PLXDC2: variants seen among roughly 807,000 people sequenced by gnomAD.
PLXDC2 encodes the protein plexin domain containing 2.
A neutral mutation model predicts 68.9 loss-of-function variants in PLXDC2; 40 were observed. That is an observed-to-expected ratio of 0.58 (90% CI 0.45 to 0.76). The LOEUF is 0.76. Among genes scored for constraint, PLXDC2 ranks in the 30% least tolerant of loss-of-function variants. PLXDC2 has a pLI of 0.00. For synonymous variants in PLXDC2, 243 were observed against 234.2 expected, an observed-to-expected ratio of 1.04 and a Z score of -0.34; for missense variants, 644 against 661.9, an observed-to-expected ratio of 0.97 and a Z score of 0.30.
At chr10:20,080,556 G>A (rs1013514561) in intron 4 of PLXDC2, among the ~76,000 whole-genome samples, 3 of 152,170 alleles carry the variant, frequency 2.0e-5, no homozygotes, top group Non-Finnish European at 4.4e-5. Context: ...CAGCATTGGA[G>A]AAAGATGAAG....
chr10:20,155,860 A>ATTATT (rs1002091529), intron 6 of PLXDC2, among the ~76,000 whole-genome samples: 12 of 152,132 alleles, frequency 7.9e-5, no homozygotes, highest in African/African-American at 2.6e-4. Context: ...CCCAGAGGAA[A>ATTATT]TTATTTTATT....
At chr10:19,841,940 GAAAC>G (rs1836917865) in intron 1 of PLXDC2, among the ~76,000 whole-genome samples, 1 of 152,018 alleles carries the variant, frequency 6.6e-6, no homozygotes, top group South Asian at 2.1e-4. Context: ...GAAATGAAAA[GAAAC>G]AAACACCCCA....
intron 1 of PLXDC2, among the ~76,000 whole-genome samples, chr10:19,985,180 T>C (rs138151284): frequency 5.3e-5 from 8 of 152,364 alleles, no homozygotes; most frequent in African/African-American, 1.9e-4. Flanking sequence ...TCTGGTAAGA[T>C]ATGGACCTCA....
chr10:20,002,758 C>T (rs1834964130), intron 2 of PLXDC2, among the ~76,000 whole-genome samples: 2 of 152,096 alleles, frequency 1.3e-5, no homozygotes. Context: ...AGGAGTTCAC[C>T]TAACTGATGA....
At chr10:19,947,966 A>G (rs1041970111) in intron 1 of PLXDC2, among the ~76,000 whole-genome samples, 2 of 152,124 alleles carry the variant, frequency 1.3e-5, no homozygotes, top group Admixed American at 6.5e-5. Context: ...TAAGGGTCCA[A>G]TAAGATATTT....
At chr10:19,939,000 G>A (rs1213545140) in intron 1 of PLXDC2, among the ~76,000 whole-genome samples, 1 of 152,114 alleles carries the variant, frequency 6.6e-6, no homozygotes, top group Non-Finnish European at 1.5e-5. Context: ...AACTGAGATA[G>A]AATTTTCTGA....
At chr10:20,016,297 G>T (rs1454827162) in intron 2 of PLXDC2, among the ~76,000 whole-genome samples, 1 of 152,040 alleles carries the variant, frequency 6.6e-6, no homozygotes, top group African/African-American at 2.4e-5. Flanking sequence ...AAAGGATAGA[G>T]AGACTACTTC....
At chr10:20,211,932 T>C (rs1414436624) in intron 10 of PLXDC2, among the ~76,000 whole-genome samples, 1 of 152,154 alleles carries the variant, frequency 6.6e-6, no homozygotes, top group Non-Finnish European at 1.5e-5. Flanking sequence ...TTTCATTACA[T>C]TGTAGCAACT....
At chr10:20,044,225 CT>C (rs1835747278) in intron 2 of PLXDC2, among the ~76,000 whole-genome samples, 6 of 47,318 alleles carry the variant, frequency 1.3e-4, no homozygotes, top group African/African-American at 5.9e-4. Flanking sequence ...TTCTTTCTTT[CT>C]TTCTTTCTTT....
At chr10:20,082,783 A>G (rs1200843036) in intron 4 of PLXDC2, among the ~76,000 whole-genome samples, 1 of 152,196 alleles carries the variant, frequency 6.6e-6, no homozygotes, top group Admixed American at 6.5e-5. Flanking sequence ...AACGCCCATC[A>G]CTGAGGATGT....
At chr10:19,920,262 G>T (rs952759285) in intron 1 of PLXDC2, among the ~76,000 whole-genome samples, 1 of 152,290 alleles carries the variant, frequency 6.6e-6, no homozygotes, top group Admixed American at 6.5e-5. Context: ...GCAGAGGAGG[G>T]TGTGGTCCCT....
chr10:19,965,259 T>C (rs530788466), intron 1 of PLXDC2, among the ~76,000 whole-genome samples: 1 of 152,172 alleles, frequency 6.6e-6, no homozygotes, highest in Non-Finnish European at 1.5e-5. Context: ...CTGTGATTAA[T>C]GTGATTGACA....
In PLXDC2 at chr10:19,966,430, G is replaced by A. The variant is rs142868101; in HGVS notation, c.113-35345G>A. The stretch of plus-strand genomic sequence containing the variant: ...GTGCACATATATAAAAAATATATAT[G>A]TGCACATATATATAAAACATGTGTG... On this transcript the variant is annotated intron_variant, in intron 1 of 13. Transcript: ENST00000377252. 1.5e-4 allele frequency among the ~76,000 whole-genome samples: 22 copies of A among 150,248 alleles called. No individual in the cohort carries two copies. The East Asian group carries it at 3.7e-3, about 25-fold the overall frequency.
intron 3 of PLXDC2, among the ~76,000 whole-genome samples, chr10:20,057,424 T>C (rs1483986540): frequency 6.6e-6 from 1 of 152,176 alleles, no homozygotes; most frequent in Non-Finnish European, 1.5e-5. Context: ...TGTTCCTTTC[T>C]ACCTCATTAT....
chr10:20,119,286 C>G lies in PLXDC2; in HGVS notation c.542-24009C>G, dbSNP rs549967767. On this transcript the variant is annotated intron_variant, in intron 4 of 13. Coordinates refer to ENST00000377252, the MANE Select transcript of PLXDC2 (RefSeq NM_032812.9). ...TTTATTTCACCTGGGTGCAGGCGGG[C>G]TGAGTCCGAAAAGAGAGTCAGCGAA... is the stretch of plus-strand genomic sequence containing the variant. Among the ~76,000 whole-genome samples the G allele has an allele frequency of 8.4e-3, 1,273 of 151,752 alleles. 21 individuals are homozygous for G. The highest frequency in any genetic ancestry group is 0.029 in the African/African-American group (1,218 of 41,354).
intron 12 of PLXDC2, among the ~76,000 whole-genome samples, chr10:20,228,492 G>A (rs1293473776): frequency 6.6e-6 from 1 of 151,938 alleles, no homozygotes; most frequent in Non-Finnish European, 1.5e-5. Context: ...AGACTGGGAG[G>A]TCAAGGCTGC....
intron 12 of PLXDC2, among the ~76,000 whole-genome samples, chr10:20,221,670 A>AC (rs1835214103): frequency 1.3e-5 from 2 of 152,216 alleles, no homozygotes; most frequent in East Asian, 3.8e-4. Context: ...AGGAAGGATT[A>AC]CCAATTTAAA....
chr10:20,197,817 G>T (rs1175136587), intron 9 of PLXDC2, among the ~76,000 whole-genome samples: 2 of 152,024 alleles, frequency 1.3e-5, no homozygotes, highest in Non-Finnish European at 2.9e-5. Context: ...TTCTAAAGAG[G>T]TTGAAGATCT....
intron 13 of PLXDC2, among the ~76,000 whole-genome samples, chr10:20,270,747 G>A (rs1382253609): frequency 2.0e-5 from 3 of 151,942 alleles, no homozygotes; most frequent in Non-Finnish European, 4.4e-5. Context: ...GTTTCACCAT[G>A]TTGGCCTCAG....
Sources: gnomAD v4.1 joint callset for allele counts (sites outside exome capture counted in the v4.1 genomes callset) on GRCh38, gnomAD v4.1.1 for gene constraint, MANE v1.5 for transcripts, NCBI Gene and HGNC (gene_info 2026-07-23, HGNC 2026-07-21) for gene names.